The following ZNF329 variants were observed in gnomAD, a reference collection of about 807,000 sequenced individuals.
The protein encoded by ZNF329 is zinc finger protein 329.
Under a neutral mutation model 26.6 loss-of-function variants are expected in ZNF329, and 15 were observed. The observed-to-expected ratio is 0.56, with a 90% CI of 0.38 to 0.87. The LOEUF (loss-of-function observed/expected upper bound fraction) is 0.87. Ranked by LOEUF, ZNF329 falls within the 40% of genes least tolerant of loss-of-function variation. ZNF329 has a pLI of 0.00. For missense variants in ZNF329, 651 were observed against 651.9 expected (o/e 1.00, Z 0.02); for synonymous variants, 239 against 233.5 (o/e 1.02, Z -0.21).
intron 3 of ZNF329, among the ~76,000 whole-genome samples, chr19:58,134,434 C>A (rs371123586): frequency 1.3e-5 from 2 of 152,110 alleles, no homozygotes; most frequent in Non-Finnish European, 2.9e-5. Flanking sequence ...ATATAAATGG[C>A]CTTGATGGGT....
chr19:58,138,019 A>AT (rs1301499820), intron 3 of ZNF329, among the ~76,000 whole-genome samples: 2 of 152,124 alleles, frequency 1.3e-5, no homozygotes, highest in Non-Finnish European at 1.5e-5. Context: ...AAATGAACAC[A>AT]TAAGTGATAT....
intron 3 of ZNF329, chr19:58,137,059 A>T (rs529268077): frequency 0.013 from 729 of 55,904 alleles, 3 homozygotes; most frequent in Admixed American, 0.018. Context: ...AAGTACAGAT[A>T]AAAAAAAAAA....
rs2074832551 is a variant in ZNF329 at position 58,127,823 on chromosome 19, G to A, written c.*55C>T. 10 of 1,479,218 alleles carry A rather than the reference G, an allele frequency of 6.8e-6. No individual in the cohort carries two copies. Among genetic ancestry groups the A allele is most frequent in the Middle Eastern group, 2.3e-4 (1 of 4,410 alleles). 91.6% of individuals were successfully genotyped at this position (1,479,218 alleles called of 1,614,324 possible). A position where few individuals can be genotyped will look rare whatever the true frequency, so the allele number is the denominator to read the frequency against. On this transcript the variant is annotated 3_prime_UTR_variant, in exon 4 of 4. Transcript: ENST00000598312. Reference sequence around the variant, plus strand: ...CAGAGAGGAGTCAGATCTAAGACACGCCTCCTAAACACAGGAGTGAGAGTG... The same window carrying A: ...CAGAGAGGAGTCAGATCTAAGACACACCTCCTAAACACAGGAGTGAGAGTG...
At chr19:58,133,034 G>A (rs1444086988) in intron 3 of ZNF329, among the ~76,000 whole-genome samples, 2 of 152,006 alleles carry the variant, frequency 1.3e-5, no homozygotes, top group Admixed American at 6.6e-5. Context: ...GGATGGTCTC[G>A]AGCTCCTGAC....
At chr19:58,154,695 AC>A (rs59523890), upstream of ZNF329, 72,075 of 133,300 alleles carry the variant, frequency 0.54, 17,881 homozygotes, top group Middle Eastern at 0.6. Flanking sequence ...CTCGCAGACC[AC>A]CCCCCCCCCC....
intron 1 of ZNF329, among the ~76,000 whole-genome samples, chr19:58,145,070 C>T (rs1325932433): frequency 6.7e-6 from 1 of 150,014 alleles, no homozygotes; most frequent in African/African-American, 2.5e-5. Context: ...AAGATGGTCT[C>T]GATCTCCTGA....
At chr19:58,153,285 T>G (rs1163620160), upstream of ZNF329, among the ~76,000 whole-genome samples, 1 of 152,088 alleles carries the variant, frequency 6.6e-6, no homozygotes, top group East Asian at 1.9e-4. Flanking sequence ...AATTTTTGTA[T>G]TTTTAGTAGA....
chr19:58,146,378 G>A (rs1293265584), intron 1 of ZNF329, among the ~76,000 whole-genome samples: 1 of 152,054 alleles, frequency 6.6e-6, no homozygotes, highest in Non-Finnish European at 1.5e-5. Flanking sequence ...GGAGGCTGAG[G>A]CAGGAAAACC....
Position 58,142,675 on chromosome 19 carries a change from A to T in ZNF329, c.-113-14T>A, listed in dbSNP as rs963001733. On this transcript the variant is annotated splice_polypyrimidine_tract_variant and intron_variant, in intron 2 of 3. Coordinates refer to ENST00000598312, the MANE Select transcript of ZNF329 (RefSeq NM_024620.4). ...CTCCAGCCATCTCTGTGGGACACCC[A>T]TAATAATGTTTACTTTACTTGTTCA... 6.5e-6 allele frequency: 1 copy of T among 152,698 alleles called. No homozygotes were observed. Among genetic ancestry groups the T allele is most frequent in the Non-Finnish European group, 1.5e-5 (1 of 68,052 alleles). 9.5% of individuals were successfully genotyped at this position (152,698 alleles called of 1,614,324 possible).
intron 3 of ZNF329, among the ~76,000 whole-genome samples, chr19:58,130,683 A>AC (rs1284212030): frequency 2.8e-5 from 4 of 145,440 alleles, no homozygotes; most frequent in Non-Finnish European, 6.3e-5. Flanking sequence ...CAAAAAAAAA[A>AC]AAAAAAAAAA....
At chr19:58,129,598 A>T in intron 3 of ZNF329, 87 bp from the exon 4 acceptor site, 1 of 1,166,892 alleles carries the variant, frequency 8.6e-7, no homozygotes, top group Non-Finnish European at 1.2e-6. Flanking sequence ...AGGTGTAAAG[A>T]TGTGTATTTT....
rs532489433 is a variant in ZNF329, at chr19:58,150,762, C to T, written c.-218G>A. On this transcript the variant is annotated 5_prime_UTR_variant, in exon 1 of 4. Transcript: ENST00000598312. ...TGCGTCGGCACTTACGGTTGGCGGC[C>T]GGCGGCAGCCATGTTCCGGGCGATT... 6.5e-6 allele frequency: 1 copy of T among 152,838 alleles called. No individual in the cohort carries two copies. The highest frequency in any genetic ancestry group is 2.4e-5 in the African/African-American group (1 of 41,598). The allele number at this position is 152,838 out of a possible 1,614,324, so 9.5% of individuals were successfully genotyped here. A position where few individuals can be genotyped will look rare whatever the true frequency, so the allele number is the denominator to read the frequency against.
In ZNF329 at chr19:58,135,900, T is replaced by C. The variant is rs1488582084; in HGVS notation, c.-8-6389A>G. On this transcript the variant is annotated intron_variant, in intron 3 of 3. Transcript: ENST00000598312. ...AAAATAAAAACTTGTTTCTCAGTAATTGACAGATCAAAGAGAAAACCTGAT... is the reference window on the plus strand; with the variant it reads ...AAAATAAAAACTTGTTTCTCAGTAACTGACAGATCAAAGAGAAAACCTGAT... Among the ~76,000 whole-genome samples the C allele has an allele frequency of 2.0e-5, 3 of 152,092 alleles. No individual in the cohort carries two copies. In the East Asian group the frequency reaches 5.8e-4, roughly 29 times the overall value.
chr19:58,129,276 G>A lies in ZNF329; in HGVS notation c.228C>T (p.Ser76=), dbSNP rs762833498. 6.2e-7 allele frequency: 1 copy of A among 1,614,208 alleles called. No individual in the cohort carries two copies. Among genetic ancestry groups the A allele is most frequent in the South Asian group, 1.1e-5 (1 of 91,080 alleles). The change falls in exon 4 of 4, where the codon AGC becomes AGT. Residue 76 remains serine, a synonymous_variant. Coordinates refer to ENST00000598312, the MANE Select transcript of ZNF329 (RefSeq NM_024620.4). ...CTCTCTGAGACGGTGGAAGGTCTGA[G>A]CTTGCAATCAAATGCTCCCCAAAAC... ...YPGFGEHLIA[S]SDLPPSQRVL... is the part of the protein sequence containing the mutation.
intron 3 of ZNF329, among the ~76,000 whole-genome samples, chr19:58,140,256 G>C (rs1483910705): frequency 6.6e-6 from 1 of 152,030 alleles, no homozygotes; most frequent in Non-Finnish European, 1.5e-5. Context: ...TCTTTACATA[G>C]ACTTAGGGCT....
intron 3 of ZNF329, among the ~76,000 whole-genome samples, chr19:58,131,111 A>ATATGTGTGTGTG (rs1480205883): frequency 1.4e-5 from 2 of 147,630 alleles, no homozygotes; most frequent in African/African-American, 4.9e-5. Flanking sequence ...ATACATGTAT[A>ATATGTGTGTGTG]TGTGTATATG....
intron 1 of ZNF329, among the ~76,000 whole-genome samples, chr19:58,149,289 C>A (rs1169201145): frequency 1.2e-4 from 19 of 152,294 alleles, no homozygotes; most frequent in Non-Finnish European, 2.8e-4. Context: ...CTTGGGGCTG[C>A]TCTATCTATG....
upstream of ZNF329, among the ~76,000 whole-genome samples, chr19:58,154,091 C>T (rs1477447853): frequency 6.6e-6 from 1 of 151,808 alleles, no homozygotes; most frequent in Non-Finnish European, 1.5e-5. Flanking sequence ...AGCCTCCAAA[C>T]TCTGCATCCC....
intron 3 of ZNF329, among the ~76,000 whole-genome samples, chr19:58,141,288 G>A (rs929196522): frequency 1.3e-5 from 2 of 151,518 alleles, no homozygotes; most frequent in African/African-American, 2.4e-5. Context: ...GAGCCACCAC[G>A]CCTGGCTTAA....
Sources: gnomAD v4.1 joint callset for allele counts (sites outside exome capture counted in the v4.1 genomes callset) on GRCh38, gnomAD v4.1.1 for gene constraint, MANE v1.5 for transcripts, NCBI Gene and HGNC (gene_info 2026-07-23, HGNC 2026-07-21) for gene names.